The following NPAP1 variants were observed in gnomAD, a reference collection of about 807,000 sequenced individuals.
NPAP1 encodes nuclear pore-associated protein 1.
For missense variants in NPAP1, 1,483 were observed against 1,454.5 expected, an observed-to-expected ratio of 1.02 and a Z score of -0.32; for synonymous variants, 616 against 581.4, an observed-to-expected ratio of 1.06 and a Z score of -0.86.
In NPAP1 at chr15:24,678,041, T is replaced by A. The variant is rs760928066; in HGVS notation, c.2174T>A (p.Leu725Gln). 6 of 1,614,122 alleles carry A rather than the reference T, an allele frequency of 3.7e-6. No homozygotes were observed. The South Asian group carries it at 5.5e-5, about 15-fold the overall frequency. ...SVSKKYLPFY[L>Q]GLPGSGNTQP... ...TCCAAGAAGTACCTCCCATTTTACC[T>A]GGGGCTTCCTGGTTCTGGGAACACA... The change falls in exon 1 of 1, where the codon CTG becomes CAG. Residue 725 changes from leucine (L) to glutamine (Q), a missense_variant. Leu to Gln is a moderately radical substitution (Grantham distance 113). Coordinates refer to ENST00000329468, the MANE Select transcript of NPAP1 (RefSeq NM_018958.3).
Position 24,676,305 on chromosome 15 carries a change from G to A in NPAP1, c.438G>A (p.Leu146=). 2.0e-6 allele frequency: 3 copies of A among 1,523,798 alleles called. No individual in the cohort carries two copies. The highest frequency in any genetic ancestry group is 2.6e-6 in the Non-Finnish European group (3 of 1,138,522). The allele number at this position is 1,523,798 out of a possible 1,614,324, so 94.4% of individuals were successfully genotyped here. The part of the protein sequence containing the change: ...KARKPIPATL[L]EETEVWAQEG... Reference sequence around the variant, plus strand: ...GGAAGCCCATCCCAGCCACTCTCCTGGAGGAGACCGAGGTGTGGGCCCAAG... The same window carrying A: ...GGAAGCCCATCCCAGCCACTCTCCTAGAGGAGACCGAGGTGTGGGCCCAAG... Residue 146 remains leucine (L), a synonymous_variant, in exon 1 of 1, where the codon CTG becomes CTA. Transcript: ENST00000329468.
Position 24,676,371 on chromosome 15 carries a change from G to A in NPAP1, c.504G>A (p.Gln168=), listed in dbSNP as rs1438367355. The A allele has an allele frequency of 3.2e-6, 5 of 1,562,390 alleles. No homozygotes were observed. The highest frequency in any genetic ancestry group is 4.3e-6 in the Non-Finnish European group (5 of 1,157,494). Residue 168 remains glutamine (Q), a synonymous_variant, in exon 1 of 1, where the codon CAG becomes CAA. Transcript: ENST00000329468. ...TGAAGAAGGATGAGGATCCGGTGCA[G>A]ATCGAAGGGGAGGATGACGAGAAAA... ...RRVKKDEDPV[Q]IEGEDDEKRT...
rs1555368450 is a variant in NPAP1 at position 24,681,816 on chromosome 15, T to TA, written c.*2478_*2479insA. The TA allele has an allele frequency of 1.8e-5, 3 of 164,964 alleles. No homozygotes were observed. Among genetic ancestry groups the TA allele is most frequent in the East Asian group, 2.0e-4 (1 of 5,098 alleles). 10.2% of individuals were successfully genotyped at this position (164,964 alleles called of 1,614,324 possible). ...TACATAGATAGATGATAGAGATAGA[T>TA]GATAGATAGATAGATAGATAGATAG... On this transcript the variant is annotated 3_prime_UTR_variant, in exon 1 of 1. Transcript: ENST00000329468.
Position 24,679,982 on chromosome 15 carries a change from GGTTTGTTTGTTT to G in NPAP1, c.*669_*680del, listed in dbSNP as rs77362980. The G allele has an allele frequency of 0.12, 22,247 of 190,120 alleles. 1,565 individuals are homozygous for G. Among genetic ancestry groups the G allele is most frequent in the Non-Finnish European group, 0.13 (11,327 of 84,390 alleles). 11.8% of individuals were successfully genotyped at this position (190,120 alleles called of 1,614,324 possible). ...GAGGAACCAGCATTGTTTTTGTTTT[GGTTTGTTTGTTT>G]GTTTGTTTGTTTGTTTGTTTGTTTT... On this transcript the variant is annotated 3_prime_UTR_variant, in exon 1 of 1. Coordinates refer to ENST00000329468, the MANE Select transcript of NPAP1 (RefSeq NM_018958.3).
At position 24,677,185 on chromosome 15, in the gene NPAP1, C is replaced by A. The variant is rs2048982506; in HGVS notation, c.1318C>A (p.Pro440Thr). 6.2e-7 allele frequency: 1 copy of A among 1,613,916 alleles called. No homozygotes were observed. Among genetic ancestry groups the A allele is most frequent in the Non-Finnish European group, 8.5e-7 (1 of 1,180,042 alleles). The change falls in exon 1 of 1, where the codon CCT becomes ACT. Residue 440 changes from proline to threonine, a missense_variant. Physicochemically the swap from Pro to Thr is conservative, Grantham distance 38. Transcript: ENST00000329468. Reference sequence around the variant, plus strand: ...CCTGGCTACTGGACCCCTCATCCTGCCTATCCCTCCACTTTCCACCACACC... The same window carrying A: ...CCTGGCTACTGGACCCCTCATCCTGACTATCCCTCCACTTTCCACCACACC... ...ADLATGPLIL[P>T]IPPLSTTPKM... is the part of the protein sequence containing the mutation.
chr15:24,682,830 C>G lies in NPAP1; in HGVS notation c.*3492C>G, dbSNP rs1595618242. On this transcript the variant is annotated 3_prime_UTR_variant, in exon 1 of 1. Transcript: ENST00000329468. ...CCTTCCTTTTCCAGAAACCTTGAGC[C>G]TCCTCCACTGGTTTGGGAGTGGTAA... 1 of 167,040 alleles carries G rather than the reference C, an allele frequency of 6.0e-6. No individual in the cohort carries two copies. The highest frequency in any genetic ancestry group is 2.4e-5 in the African/African-American group (1 of 41,428). The allele number at this position is 167,040 out of a possible 1,614,324, so 10.3% of individuals were successfully genotyped here.
In NPAP1 at chr15:24,676,066, G is replaced by T. The variant is rs1404920860; in HGVS notation, c.199G>T (p.Ala67Ser). The change falls in exon 1 of 1, where the codon GCC becomes TCC. Residue 67 changes from alanine to serine, a missense_variant. By Grantham distance (99) the Ala-to-Ser change is moderately conservative. Coordinates refer to ENST00000329468, the MANE Select transcript of NPAP1 (RefSeq NM_018958.3). ...RRPSAASIFV[A>S]PKRPCPLPRA... ...GCCTTCAGCAGCCAGCATCTTCGTC[G>T]CCCCTAAGAGGCCGTGTCCTCTCCC... The T allele has an allele frequency of 2.5e-6, 4 of 1,573,140 alleles. No individual in the cohort carries two copies. Among genetic ancestry groups the T allele is most frequent in the Non-Finnish European group, 3.4e-6 (4 of 1,164,092 alleles).
chr15:24,677,366 C>T lies in NPAP1; in HGVS notation c.1499C>T (p.Pro500Leu), dbSNP rs1330323655. Residue 500 changes from proline (P) to leucine (L), a missense_variant, in exon 1 of 1, where the codon CCT becomes CTT. Pro to Leu is a moderately conservative substitution (Grantham distance 98, BLOSUM62 -3). Transcript: ENST00000329468. The part of the protein sequence containing the change: ...AAPLTSDPPT[P>L]PSSTPSFKPP... ...CCTCTCACTTCTGACCCCCCAACAC[C>T]TCCTAGCTCCACACCCTCCTTCAAG... The T allele has an allele frequency of 1.9e-6, 3 of 1,613,952 alleles. No homozygotes were observed. The highest frequency in any genetic ancestry group is 2.5e-6 in the Non-Finnish European group (3 of 1,179,996).
rs571304359 is a variant in NPAP1, at chr15:24,681,073, G to A, written c.*1735G>A. The A allele has an allele frequency of 2.4e-5, 4 of 167,308 alleles. No individual in the cohort carries two copies. The South Asian group carries it at 8.3e-4, about 35-fold the overall frequency. 10.4% of individuals were successfully genotyped at this position (167,308 alleles called of 1,614,324 possible). A position where few individuals can be genotyped will look rare whatever the true frequency, so the allele number is the denominator to read the frequency against. On this transcript the variant is annotated 3_prime_UTR_variant, in exon 1 of 1. Transcript: ENST00000329468. ...GCAGAGGCTCAAAGGAAGGATCCCT[G>A]GTGTCCTCATGGAGCAGTTAGTAAG...
At position 24,676,128 on chromosome 15, in the gene NPAP1, T is replaced by C. The variant is rs2141307321; in HGVS notation, c.261T>C (p.Ala87=). 2 of 1,569,206 alleles carry C rather than the reference T, an allele frequency of 1.3e-6. No individual in the cohort carries two copies. The highest frequency in any genetic ancestry group is 8.6e-7 in the Non-Finnish European group (1 of 1,160,298). ...CCGCCCCTCTGGGGGTCCTGCCGGC[T>C]GTGGGTTGGGGGCTGGCCATCAGGA... ...AAAAPLGVLP[A]VGWGLAIRKT... is the part of the protein sequence containing the mutation. Residue 87 remains alanine (A), a synonymous_variant, in exon 1 of 1, where the codon GCT becomes GCC. Coordinates refer to ENST00000329468, the MANE Select transcript of NPAP1 (RefSeq NM_018958.3).
rs541819827 is a variant in NPAP1, at chr15:24,677,060, C to T, written c.1193C>T (p.Ala398Val). 1.9e-6 allele frequency: 3 copies of T among 1,614,004 alleles called. No individual in the cohort carries two copies. The East Asian group carries it at 6.7e-5, about 36-fold the overall frequency. ...ACAAACAGCAGCATCACCCAGCCTGCCCCTTCTTTCTCCCAACCTGTGCAG... is the reference window on the plus strand; with the variant it reads ...ACAAACAGCAGCATCACCCAGCCTGTCCCTTCTTTCTCCCAACCTGTGCAG... ...TMTNSSITQP[A>V]PSFSQPVQTT... is the part of the protein sequence containing the mutation. The change falls in exon 1 of 1, where the codon GCC becomes GTC. Residue 398 changes from alanine to valine, a missense_variant. By Grantham distance (64) the Ala-to-Val change is moderately conservative. Transcript: ENST00000329468.
the NPAP1 span, chr15:24,678,561 TTC>T: frequency 1.2e-6 from 2 of 1,614,056 alleles, no homozygotes; most frequent in South Asian, 2.2e-5. Flanking sequence ...CCATCTCTCA[TTC>T]CACACTTGGG....
In NPAP1 at chr15:24,679,289, A is replaced by G. The variant is rs199764565; in HGVS notation, c.3422A>G (p.Tyr1141Cys). The change falls in exon 1 of 1, where the codon TAT (tyrosine) becomes TGT (cysteine). Residue 1141 changes from tyrosine to cysteine, a missense_variant. Transcript: ENST00000329468. ...RKFYTSSTHYYGQETYVRRHV... is the reference protein window; with the variant it reads ...RKFYTSSTHYCGQETYVRRHV... ...TTCTACACTTCAAGCACCCACTACT[A>G]TGGACAAGAAACATATGTTAGGAGA... 2.2e-5 allele frequency: 35 copies of G among 1,613,896 alleles called. No individual in the cohort carries two copies. The highest frequency in any genetic ancestry group is 3.3e-4 in the Middle Eastern group (2 of 6,060).
At position 24,676,920 on chromosome 15, in the gene NPAP1, T is replaced by G. The variant is rs953718038; in HGVS notation, c.1053T>G (p.Leu351=). 3.1e-6 allele frequency: 5 copies of G among 1,613,436 alleles called. 1 individual carries two copies. The South Asian group carries it at 5.5e-5, about 18-fold the overall frequency. ...CATTGCTGTGGGATCGAGGTGAGCT[T>G]CCCCCACCTGCTAAGCTCCCCTGCC... ...SLPLLWDRGE[L]PPPAKLPCLS... Residue 351 remains leucine, a synonymous_variant, in exon 1 of 1, where the codon CTT becomes CTG. Transcript: ENST00000329468.
At position 24,679,365 on chromosome 15, in the gene NPAP1, C is replaced by A. The variant is rs17832449; in HGVS notation, c.*27C>A. 1 of 1,472,810 alleles carries A rather than the reference C, an allele frequency of 6.8e-7. No homozygotes were observed. Among genetic ancestry groups the A allele is most frequent in the Non-Finnish European group, 9.4e-7 (1 of 1,058,426 alleles). 91.2% of individuals were successfully genotyped at this position (1,472,810 alleles called of 1,614,324 possible). A position where few individuals can be genotyped will look rare whatever the true frequency, so the allele number is the denominator to read the frequency against. On this transcript the variant is annotated 3_prime_UTR_variant, in exon 1 of 1. Coordinates refer to ENST00000329468, the MANE Select transcript of NPAP1 (RefSeq NM_018958.3). The stretch of plus-strand genomic sequence containing the variant: ...AGCACCTGTGGTTCACCTGATCACA[C>A]CACATCAGTTGTGGTTGTAAATACC...
rs2048987603 is a variant in NPAP1 at position 24,677,841 on chromosome 15, A to C, written c.1974A>C (p.Lys658Asn). 1.2e-6 allele frequency: 2 copies of C among 1,613,862 alleles called. No individual in the cohort carries two copies. Among genetic ancestry groups the C allele is most frequent in the Non-Finnish European group, 1.7e-6 (2 of 1,179,980 alleles). ...AGGCTCCTGATGGGCAGCCGCAGAA[A>C]GCTTCTCTCCCCAGTGCCTGTGTTT... ...KFEAPDGQPQKASLPSACVFL... is the reference protein window; with the variant it reads ...KFEAPDGQPQNASLPSACVFL... The change falls in exon 1 of 1, where the codon AAA becomes AAC. Residue 658 changes from lysine (K) to asparagine (N), a missense_variant. By Grantham distance (94) the Lys-to-Asn change is moderately conservative. Transcript: ENST00000329468.
At position 24,677,353 on chromosome 15, in the gene NPAP1, G is replaced by A. The variant is rs2141310167; in HGVS notation, c.1486G>A (p.Asp496Asn). Residue 496 changes from aspartate (D) to asparagine (N), a missense_variant, in exon 1 of 1, where the codon GAC becomes AAC. Transcript: ENST00000329468. ...SVVGAAPLTSDPPTPPSSTPS... is the reference protein window; with the variant it reads ...SVVGAAPLTSNPPTPPSSTPS... Reference sequence around the variant, plus strand: ...CGTAGGAGCAGCGCCTCTCACTTCTGACCCCCCAACACCTCCTAGCTCCAC... The same window carrying A: ...CGTAGGAGCAGCGCCTCTCACTTCTAACCCCCCAACACCTCCTAGCTCCAC... The A allele has an allele frequency of 6.2e-7, 1 of 1,613,732 alleles. No individual in the cohort carries two copies. Among genetic ancestry groups the A allele is most frequent in the South Asian group, 1.1e-5 (1 of 91,018 alleles).
chr15:24,677,656 G>T lies in NPAP1; in HGVS notation c.1789G>T (p.Val597Leu), dbSNP rs762785642. Residue 597 changes from valine to leucine, a missense_variant, in exon 1 of 1, where the codon GTG (valine) becomes TTG (leucine). By Grantham distance (32) the Val-to-Leu change is conservative. Transcript: ENST00000329468. ...VIFTSSLSSR[V>L]SSLPNSQIHC... is the part of the protein sequence containing the mutation. ...TTTCACATCTTCCCTAAGCTCCAGA[G>T]TGAGCTCTCTCCCAAATTCCCAAAT... 1.9e-6 allele frequency: 3 copies of T among 1,614,180 alleles called. No individual in the cohort carries two copies. The South Asian group carries it at 3.3e-5, about 18-fold the overall frequency.
In NPAP1 at chr15:24,675,812, G is replaced by A. The variant is rs1239859952; in HGVS notation, c.-56G>A. ...GTCGCCAGAGGAGGCGGTGGCTGAG[G>A]AGAGTTGAGTCCACTGCTGACCCTG... On this transcript the variant is annotated 5_prime_UTR_variant, in exon 1 of 1. Coordinates refer to ENST00000329468, the MANE Select transcript of NPAP1 (RefSeq NM_018958.3). 8.0e-7 allele frequency: 1 copy of A among 1,250,632 alleles called. No homozygotes were observed. Among genetic ancestry groups the A allele is most frequent in the Non-Finnish European group, 1.1e-6 (1 of 931,458 alleles). The allele number at this position is 1,250,632 out of a possible 1,614,324, so 77.5% of individuals were successfully genotyped here. A position where few individuals can be genotyped will look rare whatever the true frequency, so the allele number is the denominator to read the frequency against.
Sources: gnomAD v4.1 joint callset for allele counts on GRCh38, gnomAD v4.1.1 for gene constraint, MANE v1.5 for transcripts, NCBI Gene and HGNC (gene_info 2026-07-23, HGNC 2026-07-21) for gene names.